Variants in DNAH17 observed in about 807,000 individuals in gnomAD.
The protein encoded by DNAH17 is dynein axonemal heavy chain 17.
A neutral mutation model predicts 485.6 loss-of-function variants in DNAH17; 376 were observed. That is an observed-to-expected ratio of 0.77 (90% CI 0.71 to 0.84). The LOEUF (loss-of-function observed/expected upper bound fraction) is 0.84, where lower values mean the gene tolerates loss of function less well. DNAH17 is among the 40% of genes least tolerant of loss of function. The pLI is 0.00. For missense variants in DNAH17, 6,370 were observed against 5,839.3 expected (o/e 1.09, Z -2.96); for synonymous variants, 3,031 against 2,405.9 (o/e 1.26, Z -7.60).
At position 78,501,116 on chromosome 17, in the gene DNAH17, C is replaced by T. The variant is rs2090272167; in HGVS notation, c.5483+68G>A. 6 of 1,481,966 alleles carry T rather than the reference C, an allele frequency of 4.0e-6. No homozygotes were observed. In the South Asian group the frequency reaches 9.0e-5, roughly 22 times the overall value. 91.8% of individuals were successfully genotyped at this position (1,481,966 alleles called of 1,614,324 possible). On this transcript the variant is annotated intron_variant, in intron 35 of 80. Coordinates refer to ENST00000389840, the MANE Select transcript of DNAH17 (RefSeq NM_173628.4). ...CTCCACAGCTGACCTCCAAGTCGGA[C>T]AGTTCCAAGAATCATGCGGAAGGGA... is the stretch of plus-strand genomic sequence containing the variant.
Position 78,428,535 on chromosome 17 carries a change from C to A in DNAH17, c.12578G>T (p.Arg4193Leu), listed in dbSNP as rs35597902. The A allele has an allele frequency of 1.6e-5, 25 of 1,606,924 alleles. No individual in the cohort carries two copies. The highest frequency in any genetic ancestry group is 5.3e-5 in the African/African-American group (4 of 74,776). ...TTTCAAAGATCCTGCCTTCTCCTCGCGGGACACTCCCGTGCCTGCCCCCGA... is the reference window on the plus strand; with the variant it reads ...TTTCAAAGATCCTGCCTTCTCCTCGAGGGACACTCCCGTGCCTGCCCCCGA... Reference protein sequence around the residue: ...TDSGAGTGVSREEKVKAVLDD... With the variant: ...TDSGAGTGVSLEEKVKAVLDD... Residue 4193 changes from arginine (R) to leucine (L), a missense_variant, in exon 77 of 81, where the codon CGC becomes CTC. Physicochemically the swap from Arg to Leu is moderately radical, Grantham distance 102 (BLOSUM62 -2). Coordinates refer to ENST00000389840, the MANE Select transcript of DNAH17 (RefSeq NM_173628.4).
At chr17:78,511,454 G>A (rs2143087925) in intron 26 of DNAH17, among the ~76,000 whole-genome samples, 1 of 152,264 alleles carries the variant, frequency 6.6e-6, no homozygotes. Flanking sequence ...CTTTGTCATG[G>A]CAGCCCCAGG....
intron 14 of DNAH17, among the ~76,000 whole-genome samples, chr17:78,554,739 A>G (rs1270483892): frequency 2.0e-5 from 3 of 152,114 alleles, no homozygotes; most frequent in Non-Finnish European, 4.4e-5. Flanking sequence ...ATAATTCTTT[A>G]CATACATTTT....
chr17:78,463,088 G>A lies in DNAH17; in HGVS notation c.8941-11C>T, dbSNP rs768769626. On this transcript the variant is annotated splice_polypyrimidine_tract_variant and intron_variant, in intron 56 of 80. Coordinates refer to ENST00000389840, the MANE Select transcript of DNAH17 (RefSeq NM_173628.4). ...GGCCTTGACTTCCCACTACAAAGAT[G>A]AGACAGCCAGTCATCCCTGGGACCC... 3 of 1,611,928 alleles carry A rather than the reference G, an allele frequency of 1.9e-6. No individual in the cohort carries two copies. Among genetic ancestry groups the A allele is most frequent in the Non-Finnish European group, 1.7e-6 (2 of 1,178,310 alleles).
At chr17:78,452,705 T>C (rs2087606032) in intron 65 of DNAH17, among the ~76,000 whole-genome samples, 1 of 152,168 alleles carries the variant, frequency 6.6e-6, no homozygotes, top group Non-Finnish European at 1.5e-5. Context: ...ACCACTGGAC[T>C]CCAGCCTGGA....
intron 22 of DNAH17, among the ~76,000 whole-genome samples, chr17:78,528,752 C>T (rs2091145813): frequency 6.6e-6 from 1 of 152,100 alleles, no homozygotes; most frequent in Non-Finnish European, 1.5e-5. Context: ...ACACACCCCT[C>T]CACGCTGACA....
At chr17:78,576,772 G>T (rs1002944689) in intron 1 of DNAH17, among the ~76,000 whole-genome samples, 1 of 152,180 alleles carries the variant, frequency 6.6e-6, no homozygotes, top group Non-Finnish European at 1.5e-5. Context: ...TCCAAGAACG[G>T]CATGGGGTGG....
At chr17:78,445,208 G>A (rs1402268535) in intron 70 of DNAH17, among the ~76,000 whole-genome samples, 1 of 148,372 alleles carries the variant, frequency 6.7e-6, no homozygotes, top group Non-Finnish European at 1.5e-5. Context: ...GCTGGGAGGA[G>A]GGGAGGCTGG....
intron 15 of DNAH17, among the ~76,000 whole-genome samples, 188 bp from the exon 16 acceptor site, chr17:78,551,826 AG>A (rs2091908667): frequency 6.6e-6 from 1 of 151,980 alleles, no homozygotes; most frequent in South Asian, 2.1e-4. Context: ...AGCTGGGCAT[AG>A]CAGTGGGCAC....
At chr17:78,536,560 A>T (rs1469115423) in intron 19 of DNAH17, among the ~76,000 whole-genome samples, 1 of 152,124 alleles carries the variant, frequency 6.6e-6, no homozygotes, top group Non-Finnish European at 1.5e-5. Context: ...GCATGCTCGT[A>T]ATCCCAGCTA....
chr17:78,562,123 T>C (rs940885750), intron 11 of DNAH17, 143 bp from the exon 12 acceptor site: 2 of 1,039,412 alleles, frequency 1.9e-6, no homozygotes, highest in Non-Finnish European at 2.7e-6. Context: ...ACTGGAACCT[T>C]TGTGTGTGTC....
chr17:78,510,992 C>T (rs1028444705), intron 26 of DNAH17, among the ~76,000 whole-genome samples: 1 of 152,240 alleles, frequency 6.6e-6, no homozygotes, highest in Non-Finnish European at 1.5e-5. Flanking sequence ...CAAGGAATGC[C>T]TGGAGCCCCC....
Position 78,428,707 on chromosome 17 carries a change from C to A in DNAH17, c.12406G>T (p.Gly4136Cys), listed in dbSNP as rs760601260. 1 of 1,613,030 alleles carries A rather than the reference C, an allele frequency of 6.2e-7. No individual in the cohort carries two copies. Among genetic ancestry groups the A allele is most frequent in the Non-Finnish European group, 8.5e-7 (1 of 1,179,220 alleles). The change falls in exon 77 of 81, where the codon GGT (glycine) becomes TGT (cysteine). Residue 4136 changes from glycine (G) to cysteine (C), a missense_variant and splice_region_variant. Physicochemically the swap from Gly to Cys is radical, Grantham distance 159. Transcript: ENST00000389840. ...TTCTCATCGATGTATTCGTGGTAAC[C>A]CTGAAAAAGAGGGCAGTTTGTAAGC... ...FQIPPNLDYK[G>C]YHEYIDENLP...
chr17:78,519,847 C>T (rs746506967), intron 25 of DNAH17, among the ~76,000 whole-genome samples: 17 of 152,216 alleles, frequency 1.1e-4, no homozygotes, highest in Admixed American at 4.6e-4. Context: ...TGGTGGCTCA[C>T]GCCTGTAATC....
intron 75 of DNAH17, among the ~76,000 whole-genome samples, chr17:78,433,155 G>A (rs1362336487): frequency 2.0e-5 from 3 of 152,166 alleles, no homozygotes; most frequent in African/African-American, 4.8e-5. Context: ...GGTGTGCACC[G>A]CCCTCTGCCT....
intron 51 of DNAH17, among the ~76,000 whole-genome samples, chr17:78,478,381 C>T (rs2089187681): frequency 6.6e-6 from 1 of 151,042 alleles, no homozygotes. Flanking sequence ...TCACTGCCAC[C>T]ACTATTATCA....
intron 80 of DNAH17, chr17:78,425,058 C>G: frequency 6.7e-6 from 2 of 297,654 alleles, no homozygotes; most frequent in Non-Finnish European, 1.3e-5. Flanking sequence ...CTTTTCATCA[C>G]GTCGGAGCTG....
At chr17:78,508,604 TCTAC>T (rs1251450630) in intron 27 of DNAH17, among the ~76,000 whole-genome samples, 3 of 152,088 alleles carry the variant, frequency 2.0e-5, no homozygotes, top group African/African-American at 7.2e-5. Context: ...TGTTGCCTCC[TCTAC>T]CTATGATGCC....
intron 55 of DNAH17, 108 bp from the exon 56 acceptor site, chr17:78,466,924 C>T: frequency 8.0e-7 from 1 of 1,247,608 alleles, no homozygotes; most frequent in Non-Finnish European, 1.1e-6. Flanking sequence ...CTGCCGGGCT[C>T]AGCCGCCCAG....
Sources: gnomAD v4.1 joint callset for allele counts (sites outside exome capture counted in the v4.1 genomes callset) on GRCh38, gnomAD v4.1.1 for gene constraint, MANE v1.5 for transcripts, NCBI Gene and HGNC (gene_info 2026-07-23, HGNC 2026-07-21) for gene names.